Variants in TRAK2 observed in about 807,000 individuals in gnomAD.
TRAK2 encodes trafficking kinesin-binding protein 2.
In TRAK2, 81 loss-of-function variants were observed where a neutral mutation model predicts 104.6. That is an observed-to-expected ratio of 0.77 (90% CI 0.65 to 0.93). The LOEUF is 0.93. TRAK2 is among the 40% of genes least tolerant of loss of function. The pLI is 0.00. For synonymous variants in TRAK2, 406 were observed against 394.4 expected (o/e 1.03, Z -0.35); for missense variants, 1,002 against 1,089.0 (o/e 0.92, Z 1.12).
At chr2:201,405,911 C>T (rs1012148782) in intron 3 of TRAK2, among the ~76,000 whole-genome samples, 7 of 151,876 alleles carry the variant, frequency 4.6e-5, no homozygotes, top group Non-Finnish European at 1.0e-4. Context: ...GAACCCGGGG[C>T]GGGCAGAGGT....
At chr2:201,390,256 T>A (rs1951433211) in intron 10 of TRAK2, among the ~76,000 whole-genome samples, 1 of 151,822 alleles carries the variant, frequency 6.6e-6, no homozygotes, top group South Asian at 2.1e-4. Context: ...AATAATCATG[T>A]ATAGCTGGCC....
chr2:201,410,277 G>A (rs1186934153), intron 2 of TRAK2, among the ~76,000 whole-genome samples: 1 of 151,622 alleles, frequency 6.6e-6, no homozygotes, highest in Non-Finnish European at 1.5e-5. Flanking sequence ...CTGCACTTCA[G>A]CCTGGGCGAC....
intron 1 of TRAK2, among the ~76,000 whole-genome samples, chr2:201,426,236 G>C (rs1171986341): frequency 1.3e-5 from 2 of 152,086 alleles, no homozygotes; most frequent in East Asian, 3.9e-4. Flanking sequence ...GGCAGCATTA[G>C]ATTCTCATAG....
intron 1 of TRAK2, among the ~76,000 whole-genome samples, chr2:201,434,230 T>G (rs1277301935): frequency 6.6e-6 from 1 of 152,154 alleles, no homozygotes; most frequent in Admixed American, 6.5e-5. Context: ...GTGCTGGGAT[T>G]ACAGGCGTGA....
chr2:201,409,908 C>G (rs540763852), intron 2 of TRAK2, among the ~76,000 whole-genome samples: 1 of 152,214 alleles, frequency 6.6e-6, no homozygotes, highest in Non-Finnish European at 1.5e-5. Flanking sequence ...CCAAGATTCA[C>G]AAGCCAAAAT....
At position 201,397,481 on chromosome 2, in the gene TRAK2, AG is replaced by A; in HGVS notation, c.769+20del. On this transcript the variant is annotated intron_variant, in intron 7 of 15. Transcript: ENST00000332624. ...AAAGAATTGTCCAAAAAGGTACAAA[AG>A]AGAATATGTTAATACTCACGAAGTT... 6.3e-7 allele frequency: 1 copy of A among 1,587,414 alleles called. No individual in the cohort carries two copies. The highest frequency in any genetic ancestry group is 8.6e-7 in the Non-Finnish European group (1 of 1,160,736).
At chr2:201,422,535 GGAACA>G (rs953633220) in intron 1 of TRAK2, among the ~76,000 whole-genome samples, 2 of 152,050 alleles carry the variant, frequency 1.3e-5, no homozygotes, top group African/African-American at 2.4e-5. Flanking sequence ...GAAGTAGAAA[GGAACA>G]AAGTAAATAA....
chr2:201,405,215 T>G (rs1336212925), intron 3 of TRAK2, among the ~76,000 whole-genome samples: 1 of 152,224 alleles, frequency 6.6e-6, no homozygotes, highest in African/African-American at 2.4e-5. Context: ...TGGTTAATGC[T>G]TCCTGAACTT....
At chr2:201,396,322 C>T (rs754575100) in intron 7 of TRAK2, among the ~76,000 whole-genome samples, 16 of 152,004 alleles carry the variant, frequency 1.1e-4, no homozygotes, top group Non-Finnish European at 2.1e-4. Context: ...ACATTCCTTC[C>T]GGTTCTCTAG....
chr2:201,393,162 T>C (rs1231432048), intron 9 of TRAK2, 116 bp from the exon 10 acceptor site: 1 of 949,662 alleles, frequency 1.1e-6, no homozygotes, highest in Non-Finnish European at 1.5e-6. Context: ...GCTAACTTTA[T>C]GAATATCATT....
chr2:201,386,717 G>GA (rs1282440581), intron 13 of TRAK2, among the ~76,000 whole-genome samples: 3 of 151,738 alleles, frequency 2.0e-5, no homozygotes, highest in Admixed American at 1.3e-4. Context: ...CTAAAGGGGT[G>GA]AAAAAAAACC....
intron 1 of TRAK2, among the ~76,000 whole-genome samples, chr2:201,431,792 C>A (rs1286910105): frequency 6.6e-6 from 1 of 152,170 alleles, no homozygotes; most frequent in Non-Finnish European, 1.5e-5. Context: ...AACTAGAGTG[C>A]CTAAATTTGA....
At chr2:201,427,892 G>A (rs1951804364) in intron 1 of TRAK2, among the ~76,000 whole-genome samples, 1 of 151,928 alleles carries the variant, frequency 6.6e-6, no homozygotes, top group Admixed American at 6.6e-5. Flanking sequence ...GTATCCCATT[G>A]TGGTTTGCAT....
At chr2:201,433,228 T>C (rs1270631824) in intron 1 of TRAK2, among the ~76,000 whole-genome samples, 1 of 152,138 alleles carries the variant, frequency 6.6e-6, no homozygotes, top group Non-Finnish European at 1.5e-5. Context: ...GCCTGGACAG[T>C]AAGCAGCAGA....
At chr2:201,443,474 A>G (rs1419808652) in intron 1 of TRAK2, among the ~76,000 whole-genome samples, 1 of 152,162 alleles carries the variant, frequency 6.6e-6, no homozygotes, top group African/African-American at 2.4e-5. Context: ...TCCAACTGTG[A>G]CCACGTTTTG....
In TRAK2 at chr2:201,389,350, T is replaced by C; in HGVS notation, c.1347A>G (p.Thr449=). ...AKPFESGLQQ[T]EDKSLLNQGS... ...CCTGGTTCAGGAGTGATTTGTCCTCTGTTTGCTGAAGACCAGACTCAAAAG... is the reference window on the plus strand; with the variant it reads ...CCTGGTTCAGGAGTGATTTGTCCTCCGTTTGCTGAAGACCAGACTCAAAAG... The change falls in exon 12 of 16, where the codon ACA becomes ACG. Residue 449 remains threonine (T), a synonymous_variant. Coordinates refer to ENST00000332624, the MANE Select transcript of TRAK2 (RefSeq NM_015049.3). 1 of 1,614,180 alleles carries C rather than the reference T, an allele frequency of 6.2e-7. No individual in the cohort carries two copies. The highest frequency in any genetic ancestry group is 2.2e-5 in the East Asian group (1 of 44,874).
At chr2:201,433,260 A>C (rs190499888) in intron 1 of TRAK2, among the ~76,000 whole-genome samples, 1 of 152,220 alleles carries the variant, frequency 6.6e-6, no homozygotes, top group Non-Finnish European at 1.5e-5. Context: ...CAGAGGCCAC[A>C]TATCACTATC....
At chr2:201,387,581 T>C (rs2125641483) in intron 13 of TRAK2, 122 bp downstream of exon 13, 5 of 1,037,838 alleles carry the variant, frequency 4.8e-6, no homozygotes, top group Middle Eastern at 3.3e-4. Context: ...AACAGCAAGA[T>C]TAAGGGATAA....
In TRAK2 at chr2:201,394,844, A is replaced by C. The variant is rs758194327; in HGVS notation, c.929T>G (p.Leu310Arg). 6.2e-7 allele frequency: 1 copy of C among 1,613,988 alleles called. No individual in the cohort carries two copies. Among genetic ancestry groups the C allele is most frequent in the Admixed American group, 1.7e-5 (1 of 60,012 alleles). Residue 310 changes from leucine to arginine, a missense_variant, in exon 9 of 16, where the codon CTT becomes CGT. Physicochemically the swap from Leu to Arg is moderately radical, Grantham distance 102. Transcript: ENST00000332624. ...EHVIEKEELKLHLQASKDAQR... is the reference protein window; with the variant it reads ...EHVIEKEELKRHLQASKDAQR... Reference sequence around the variant, plus strand: ...GGCATCTTTGGAAGCTTGCAGGTGAAGTTTTAGTTCTTCCTTCTCAATCAC... The same window carrying C: ...GGCATCTTTGGAAGCTTGCAGGTGACGTTTTAGTTCTTCCTTCTCAATCAC...
Sources: gnomAD v4.1 joint callset for allele counts (sites outside exome capture counted in the v4.1 genomes callset) on GRCh38, gnomAD v4.1.1 for gene constraint, MANE v1.5 for transcripts, NCBI Gene and HGNC (gene_info 2026-07-23, HGNC 2026-07-21) for gene names.